PALLD: variants seen among roughly 807,000 people sequenced by gnomAD.
PALLD encodes the protein palladin, cytoskeletal associated protein, also known as palladin.
PALLD carries 61 observed loss-of-function variants against 123.5 expected under a neutral mutation model. The observed-to-expected ratio is 0.49, with a 90% CI of 0.40 to 0.61. The LOEUF (loss-of-function observed/expected upper bound fraction) is 0.61. Among genes scored for constraint, PALLD ranks in the 20% least tolerant of loss-of-function variants. The pLI, the probability that PALLD is intolerant of heterozygous loss-of-function variation, is 0.00. For missense variants in PALLD, 1,273 were observed against 1,377.0 expected, an observed-to-expected ratio of 0.92 and a Z score of 1.20; for synonymous variants, 465 against 496.4, an observed-to-expected ratio of 0.94 and a Z score of 0.84.
At chr4:168,690,386 A>G (rs1432207919) in intron 6 of PALLD, among the ~76,000 whole-genome samples, 1 of 152,194 alleles carries the variant, frequency 6.6e-6, no homozygotes, top group Non-Finnish European at 1.5e-5. Context: ...CACTTTACTC[A>G]TTTTATGACT....
At chr4:168,864,367 C>T (rs1749957164) in intron 10 of PALLD, 1 of 152,176 alleles carries the variant, frequency 6.6e-6, no homozygotes, top group Admixed American at 6.5e-5. Flanking sequence ...GAAAGAAGTT[C>T]TCACCTTGGT....
intron 11 of PALLD, among the ~76,000 whole-genome samples, chr4:168,891,273 T>G (rs887506841): frequency 1.3e-5 from 2 of 152,158 alleles, no homozygotes; most frequent in Non-Finnish European, 2.9e-5. Flanking sequence ...AACAATCCTG[T>G]GACCTCAACC....
At chr4:168,512,848 C>G (rs1475225003) in intron 2 of PALLD, among the ~76,000 whole-genome samples, 2 of 152,006 alleles carry the variant, frequency 1.3e-5, no homozygotes, top group African/African-American at 4.8e-5. Flanking sequence ...TAGAGGCCAA[C>G]CTTCAGATTA....
chr4:168,901,680 A>G (rs953803577), intron 14 of PALLD, among the ~76,000 whole-genome samples: 1 of 152,132 alleles, frequency 6.6e-6, no homozygotes, highest in Non-Finnish European at 1.5e-5. Context: ...CAATATTGTG[A>G]AACCCCATCT....
At chr4:168,518,395 G>A (rs551842572) in intron 2 of PALLD, among the ~76,000 whole-genome samples, 7 of 152,208 alleles carry the variant, frequency 4.6e-5, no homozygotes, top group African/African-American at 7.2e-5. Context: ...CCCGAACACC[G>A]TCCAGGGGCT....
At chr4:168,839,011 G>A (rs1159631979) in intron 10 of PALLD, among the ~76,000 whole-genome samples, 3 of 152,094 alleles carry the variant, frequency 2.0e-5, no homozygotes, top group African/African-American at 7.2e-5. Flanking sequence ...GGAGTGCAGT[G>A]GCATGATCAT....
At chr4:168,621,078 T>G (rs1774720134) in intron 2 of PALLD, among the ~76,000 whole-genome samples, 1 of 152,166 alleles carries the variant, frequency 6.6e-6, no homozygotes. Flanking sequence ...AAACTGCAAT[T>G]CCAGACTAGC....
In PALLD at chr4:168,921,660, T is replaced by A; in HGVS notation, c.2977T>A (p.Ser993Thr). The A allele has an allele frequency of 6.2e-7, 1 of 1,609,620 alleles. No individual in the cohort carries two copies. The highest frequency in any genetic ancestry group is 1.1e-5 in the South Asian group (1 of 90,816). ...VHSLIIEPVT[S>T]RDAGIYTCIA... ...CTCTCTGATCATAGAGCCAGTCACG[T>A]CACGTGATGCCGGCATCTACACATG... The change falls in exon 18 of 22, where the codon TCA becomes ACA. Residue 993 changes from serine to threonine, a missense_variant. Around this residue, in one of 2 missense-constraint regions of PALLD, gnomAD observed 329 missense variants for 422.5 expected, o/e 0.78. Transcript: ENST00000505667.
At chr4:168,762,500 G>T (rs942479443) in intron 10 of PALLD, among the ~76,000 whole-genome samples, 1 of 152,154 alleles carries the variant, frequency 6.6e-6, no homozygotes, top group Non-Finnish European at 1.5e-5. Context: ...CCATTCTCTG[G>T]CGATCATTAA....
At chr4:168,726,068 T>C (rs905343947) in intron 10 of PALLD, among the ~76,000 whole-genome samples, 25 of 152,234 alleles carry the variant, frequency 1.6e-4, no homozygotes, top group African/African-American at 5.5e-4. Context: ...GGATTACTCA[T>C]GATGAAGCAT....
intron 10 of PALLD, among the ~76,000 whole-genome samples, chr4:168,838,667 CTTTTTTTTT>C (rs70961558): frequency 1.0e-4 from 9 of 88,778 alleles, no homozygotes; most frequent in African/African-American, 1.6e-4. Context: ...CTTCTAACTC[CTTTTTTTTT>C]TTTTTTTTTT....
intron 10 of PALLD, chr4:168,831,947 C>A: frequency 3.2e-6 from 3 of 944,094 alleles, no homozygotes; most frequent in Non-Finnish European, 3.8e-6. Flanking sequence ...ACCTGGGGGC[C>A]GCGTCCCAGA....
chr4:168,531,139 C>A (rs1764559510), intron 2 of PALLD, among the ~76,000 whole-genome samples: 3 of 152,120 alleles, frequency 2.0e-5, no homozygotes, highest in Admixed American at 6.5e-5. Context: ...AGTAAGATTT[C>A]TTGATTATGT....
chr4:168,751,317 A>G (rs765710580), intron 10 of PALLD, among the ~76,000 whole-genome samples: 5 of 152,098 alleles, frequency 3.3e-5, no homozygotes, highest in Non-Finnish European at 5.9e-5. Context: ...CAGTCCACAT[A>G]TTATATTTTT....
chr4:168,780,413 C>T (rs963936325), intron 10 of PALLD, among the ~76,000 whole-genome samples: 2 of 152,224 alleles, frequency 1.3e-5, no homozygotes, highest in African/African-American at 4.8e-5. Flanking sequence ...CTTTCTTAGT[C>T]TCACCTAGCT....
chr4:168,917,893 A>G (rs1760527834), intron 17 of PALLD, among the ~76,000 whole-genome samples: 2 of 152,164 alleles, frequency 1.3e-5, no homozygotes, highest in South Asian at 4.1e-4. Flanking sequence ...ACTAGTGCTT[A>G]TATATCCGAG....
chr4:168,847,207 G>C (rs2150957832), intron 10 of PALLD, among the ~76,000 whole-genome samples: 1 of 152,244 alleles, frequency 6.6e-6, no homozygotes, highest in South Asian at 2.1e-4. Flanking sequence ...CTCATTTCTA[G>C]ACATGTTTGC....
At chr4:168,659,482 G>A (rs1291553151) in intron 2 of PALLD, among the ~76,000 whole-genome samples, 1 of 152,170 alleles carries the variant, frequency 6.6e-6, no homozygotes, top group Non-Finnish European at 1.5e-5. Context: ...TCCCTTTGAA[G>A]ATACATTTTG....
intron 10 of PALLD, among the ~76,000 whole-genome samples, chr4:168,872,403 A>C (rs1237145225): frequency 1.3e-5 from 2 of 152,216 alleles, no homozygotes; most frequent in African/African-American, 2.4e-5. Flanking sequence ...AAGTCAGCAC[A>C]ATTTACAAAA....
Sources: gnomAD v4.1 joint callset for allele counts (sites outside exome capture counted in the v4.1 genomes callset) on GRCh38, gnomAD v4.1.1 for gene constraint, gnomAD v4.1.1 regional missense constraint, MANE v1.5 for transcripts, NCBI Gene and HGNC (gene_info 2026-07-23, HGNC 2026-07-21) for gene names.